The following ADAMTS12 variants were observed in gnomAD, a reference collection of about 807,000 sequenced individuals.
ADAMTS12 encodes the protein ADAM metallopeptidase with thrombospondin type 1 motif 12, also known as A disintegrin and metalloproteinase with thrombospondin motifs 12.
In ADAMTS12, 118 loss-of-function variants were observed where a neutral mutation model predicts 167.8. That is an observed-to-expected ratio of 0.70 (90% CI 0.61 to 0.82). ADAMTS12 has a LOEUF of 0.82. Ranked by LOEUF, ADAMTS12 falls within the 40% of genes least tolerant of loss-of-function variation. ADAMTS12 has a pLI of 0.00. For missense variants in ADAMTS12, 1,916 were observed against 1,998.8 expected (o/e 0.96, Z 0.79); for synonymous variants, 704 against 716.9 (o/e 0.98, Z 0.29).
chr5:33,745,079 T>C (rs543169908), intron 3 of ADAMTS12, among the ~76,000 whole-genome samples: 1 of 152,310 alleles, frequency 6.6e-6, no homozygotes, highest in South Asian at 2.1e-4. Context: ...AGGCCTACCA[T>C]AGCACTGGCA....
chr5:33,790,173 T>G (rs1047144110), intron 2 of ADAMTS12, among the ~76,000 whole-genome samples: 1 of 152,252 alleles, frequency 6.6e-6, no homozygotes, highest in South Asian at 2.1e-4. Context: ...TGTTTTATCC[T>G]TAAGTCTGTT....
intron 2 of ADAMTS12, among the ~76,000 whole-genome samples, chr5:33,858,304 T>C (rs892937988): frequency 4.7e-4 from 71 of 152,262 alleles, no homozygotes; most frequent in African/African-American, 1.7e-3. Context: ...ATATCAAAAC[T>C]GTAAGACACA....
At chr5:33,679,910 A>G (rs183858543) in intron 5 of ADAMTS12, among the ~76,000 whole-genome samples, 2 of 152,336 alleles carry the variant, frequency 1.3e-5, no homozygotes, top group East Asian at 1.9e-4. Context: ...AAGGAGTCAC[A>G]GCACTGAACC....
chr5:33,702,803 G>C (rs772715175), intron 3 of ADAMTS12, among the ~76,000 whole-genome samples: 1 of 152,134 alleles, frequency 6.6e-6, no homozygotes, highest in Non-Finnish European at 1.5e-5. Context: ...CTCTTGACTA[G>C]AAATTTCTCT....
At chr5:33,740,219 T>TATA (rs1445462179) in intron 3 of ADAMTS12, among the ~76,000 whole-genome samples, 1 of 152,222 alleles carries the variant, frequency 6.6e-6, no homozygotes, top group Non-Finnish European at 1.5e-5. Context: ...TTTGACTGTA[T>TATA]ATAAGCAAGA....
At chr5:33,680,956 T>C (rs1742090579) in intron 5 of ADAMTS12, among the ~76,000 whole-genome samples, 1 of 152,198 alleles carries the variant, frequency 6.6e-6, no homozygotes, top group Non-Finnish European at 1.5e-5. Flanking sequence ...CAAAAACCAT[T>C]TGTACCCTAT....
chr5:33,886,041 A>G (rs1000609736), intron 1 of ADAMTS12, among the ~76,000 whole-genome samples: 2 of 152,252 alleles, frequency 1.3e-5, no homozygotes, highest in African/African-American at 4.8e-5. Context: ...TATCCAGAAA[A>G]TAACAATTTT....
chr5:33,669,523 A>T (rs1306825460), intron 5 of ADAMTS12, among the ~76,000 whole-genome samples: 2 of 152,178 alleles, frequency 1.3e-5, no homozygotes. Flanking sequence ...AATGAATTCC[A>T]TTTGTTTTCG....
intron 6 of ADAMTS12, among the ~76,000 whole-genome samples, chr5:33,660,539 A>G (rs1463240379): frequency 6.6e-6 from 1 of 152,208 alleles, no homozygotes; most frequent in Non-Finnish European, 1.5e-5. Context: ...TGACAGGAGC[A>G]TCTGAATCTG....
At chr5:33,844,355 A>G (rs2111611115) in intron 2 of ADAMTS12, among the ~76,000 whole-genome samples, 1 of 152,324 alleles carries the variant, frequency 6.6e-6, no homozygotes, top group East Asian at 1.9e-4. Flanking sequence ...AGCAAACAGG[A>G]GAAATATTGC....
intron 15 of ADAMTS12, 54 bp downstream of exon 15, chr5:33,615,771 AAGG>A: frequency 6.9e-6 from 11 of 1,595,782 alleles, no homozygotes; most frequent in South Asian, 1.1e-5. Context: ...CTTGGGGAAA[AAGG>A]AGAAGTATTC....
intron 3 of ADAMTS12, among the ~76,000 whole-genome samples, chr5:33,711,516 C>T (rs1428455049): frequency 6.6e-6 from 1 of 152,142 alleles, no homozygotes; most frequent in Non-Finnish European, 1.5e-5. Flanking sequence ...ACAGCACAAA[C>T]AGATTTTGGT....
intron 3 of ADAMTS12, among the ~76,000 whole-genome samples, chr5:33,722,895 G>T (rs553466432): frequency 6.6e-6 from 1 of 152,310 alleles, no homozygotes; most frequent in African/African-American, 2.4e-5. Flanking sequence ...GCAGGAGAGG[G>T]CTATGAGCAG....
rs138213093 is a variant in ADAMTS12, at chr5:33,683,090, C to T, written c.843G>A (p.Leu281=). 6.1e-5 allele frequency: 99 copies of T among 1,612,592 alleles called. No homozygotes were observed. The highest frequency in any genetic ancestry group is 8.0e-5 in the Non-Finnish European group (94 of 1,179,128). The part of the protein sequence containing the change: ...ILTIMNMVTG[L]FHNPSIGNAI... ...CATTGCCAATGCTTGGGTTATGGAA[C>T]AACCCAGTGACCTAGGGTCAGAAAT... is the stretch of plus-strand genomic sequence containing the variant. Residue 281 remains leucine, a synonymous_variant, in exon 5 of 24, where the codon TTG becomes TTA. Transcript: ENST00000504830.
chr5:33,816,518 T>G (rs540227633), intron 2 of ADAMTS12, among the ~76,000 whole-genome samples: 23 of 152,292 alleles, frequency 1.5e-4, no homozygotes, highest in Admixed American at 6.5e-4. Context: ...AGTCTTCCCT[T>G]CACCCCCATT....
In ADAMTS12 at chr5:33,603,153, C is replaced by A. The variant is rs544306009; in HGVS notation, c.2528-7093G>T. On this transcript the variant is annotated intron_variant, in intron 16 of 23. Coordinates refer to ENST00000504830, the MANE Select transcript of ADAMTS12 (RefSeq NM_030955.4). ...TCAGAAGTGAGGAGCTATTTTCCAG[C>A]AGTAGGGCCATTCCAGGACACAGGA... Among the ~76,000 whole-genome samples, 7 of 152,160 alleles carry A rather than the reference C, an allele frequency of 4.6e-5. No individual in the cohort carries two copies. The South Asian group carries it at 1.5e-3, about 32-fold the overall frequency.
At chr5:33,621,267 T>C (rs1460285160) in intron 14 of ADAMTS12, among the ~76,000 whole-genome samples, 2 of 151,786 alleles carry the variant, frequency 1.3e-5, no homozygotes, top group African/African-American at 4.8e-5. Flanking sequence ...AGGCGTGGTG[T>C]CACGCACCTG....
chr5:33,571,603 T>C (rs1746352993), intron 19 of ADAMTS12, among the ~76,000 whole-genome samples: 1 of 151,498 alleles, frequency 6.6e-6, no homozygotes. Flanking sequence ...AAGCAGCGTG[T>C]AGAGGGAAAT....
At chr5:33,616,321 A>G (rs1739012265) in intron 14 of ADAMTS12, among the ~76,000 whole-genome samples, 1 of 152,202 alleles carries the variant, frequency 6.6e-6, no homozygotes, top group African/African-American at 2.4e-5. Context: ...ATAAGAGCAG[A>G]TTGGACTCTG....
Sources: gnomAD v4.1 joint callset for allele counts (sites outside exome capture counted in the v4.1 genomes callset) on GRCh38, gnomAD v4.1.1 for gene constraint, MANE v1.5 for transcripts, NCBI Gene and HGNC (gene_info 2026-07-23, HGNC 2026-07-21) for gene names.